Variants in TANC1 observed in about 807,000 individuals in gnomAD.
TANC1 encodes protein TANC1.
TANC1 carries 77 observed loss-of-function variants against 149.7 expected under a neutral mutation model. The ratio of observed to expected loss-of-function variants is 0.51; its 90% confidence interval spans 0.43 to 0.62. The LOEUF is 0.62. Among genes scored for constraint, TANC1 ranks in the 20% least tolerant of loss-of-function variants. The probability of loss-of-function intolerance (pLI) is 0.00; values close to 1 mark genes in which losing one functional copy is unlikely to be tolerated. For missense variants in TANC1, 1,985 were observed against 2,321.8 expected, an observed-to-expected ratio of 0.85 and a Z score of 2.98; for synonymous variants, 854 against 925.0, an observed-to-expected ratio of 0.92 and a Z score of 1.39.
chr2:159,085,346 C>G (rs1436241813), intron 3 of TANC1, among the ~76,000 whole-genome samples: 1 of 152,088 alleles, frequency 6.6e-6, no homozygotes, highest in Non-Finnish European at 1.5e-5. Context: ...TTATTAATTG[C>G]CTAGTCTCAG....
intron 2 of TANC1, among the ~76,000 whole-genome samples, chr2:159,059,523 A>ATT (rs57468385): frequency 8.4e-6 from 1 of 118,706 alleles, no homozygotes; most frequent in Non-Finnish European, 1.6e-5. Flanking sequence ...CCAAATATAT[A>ATT]AAAAAAAAAG....
At chr2:159,018,237 A>G (rs1267197572) in intron 2 of TANC1, among the ~76,000 whole-genome samples, 1 of 152,150 alleles carries the variant, frequency 6.6e-6, no homozygotes, top group African/African-American at 2.4e-5. Flanking sequence ...CTCATACTGT[A>G]TTTGCTACAG....
chr2:158,982,706 C>G (rs1430868029), intron 1 of TANC1, among the ~76,000 whole-genome samples: 1 of 152,252 alleles, frequency 6.6e-6, no homozygotes, highest in Non-Finnish European at 1.5e-5. Flanking sequence ...CTCCTGGGCT[C>G]AAATGATGCT....
intron 2 of TANC1, among the ~76,000 whole-genome samples, chr2:159,026,834 G>A (rs1242547303): frequency 6.6e-6 from 1 of 152,114 alleles, no homozygotes; most frequent in Non-Finnish European, 1.5e-5. Flanking sequence ...GGGTGCCTGG[G>A]TCCTTCTGAA....
chr2:159,186,829 C>A, intron 15 of TANC1, 73 bp from the exon 16 acceptor site: 1 of 1,599,074 alleles, frequency 6.3e-7, no homozygotes, highest in South Asian at 1.1e-5. Context: ...CAGAGTGACC[C>A]TGCAGGTGGG....
At position 159,224,327 on chromosome 2, in the gene TANC1, T is replaced by C. The variant is rs748018422; in HGVS notation, c.3774T>C (p.Ser1258=). 6.2e-7 allele frequency: 1 copy of C among 1,614,136 alleles called. No individual in the cohort carries two copies. Among genetic ancestry groups the C allele is most frequent in the South Asian group, 1.1e-5 (1 of 91,080 alleles). Residue 1258 remains serine, a synonymous_variant, in exon 23 of 27, where the codon TCT becomes TCC. Transcript: ENST00000263635. ...GAGCCATCGGCTGCCGGAACACATC[T>C]GTAGTGGTGGCGCTACTCAGAAAGG... ...LDRAIGCRNT[S]VVVALLRKGA...
At chr2:159,225,907 T>C in intron 24 of TANC1, 128 bp downstream of exon 24, 1 of 797,962 alleles carries the variant, frequency 1.3e-6, no homozygotes, top group Non-Finnish European at 2.1e-6. Flanking sequence ...AGTGGCTGGG[T>C]GGGGTGGCTC....
At chr2:159,170,325 A>T (rs926182959) in intron 9 of TANC1, among the ~76,000 whole-genome samples, 199 bp from the exon 10 acceptor site, 2 of 152,120 alleles carry the variant, frequency 1.3e-5, no homozygotes, top group Admixed American at 6.5e-5. Context: ...CTAGTTTCCT[A>T]TTGGTCCAAT....
At chr2:159,210,853 G>T (rs1400633974) in intron 19 of TANC1, among the ~76,000 whole-genome samples, 1 of 151,512 alleles carries the variant, frequency 6.6e-6, no homozygotes, top group Non-Finnish European at 1.5e-5. Flanking sequence ...TTACAGGCAT[G>T]AGCCACCATG....
intron 3 of TANC1, among the ~76,000 whole-genome samples, chr2:159,088,906 C>G (rs2045240064): frequency 1.3e-5 from 2 of 152,156 alleles, no homozygotes; most frequent in Admixed American, 6.5e-5. Context: ...TCTCAGTCGT[C>G]TTTGAGTGTT....
chr2:159,155,308 T>C (rs1382955307), intron 7 of TANC1, among the ~76,000 whole-genome samples: 2 of 152,206 alleles, frequency 1.3e-5, no homozygotes, highest in African/African-American at 4.8e-5. Context: ...TATCCATTAA[T>C]GATAGATGTG....
rs181162546 is a variant in TANC1 at position 159,147,350 on chromosome 2, C to T, written c.365-1792C>T. The stretch of plus-strand genomic sequence containing the variant: ...CACCCACTTCTTCCCTTTCCATCTG[C>T]GTCCTGTTCCCTCCCTCCAGCCCAG... On this transcript the variant is annotated intron_variant, in intron 5 of 26. Coordinates refer to ENST00000263635, the MANE Select transcript of TANC1 (RefSeq NM_033394.3). Among the ~76,000 whole-genome samples the T allele has an allele frequency of 1.0e-3, 157 of 152,328 alleles. 2 individuals carry two copies. The highest frequency in any genetic ancestry group is 3.6e-3 in the African/African-American group (149 of 41,588).
intron 8 of TANC1, among the ~76,000 whole-genome samples, chr2:159,168,445 A>G (rs1258792866): frequency 1.3e-5 from 2 of 151,446 alleles, no homozygotes; most frequent in Non-Finnish European, 2.9e-5. Flanking sequence ...GATTTCAGAG[A>G]CCCGCCTCCA....
chr2:159,080,365 T>TG (rs2044144940), intron 3 of TANC1, among the ~76,000 whole-genome samples: 1 of 152,114 alleles, frequency 6.6e-6, no homozygotes, highest in African/African-American at 2.4e-5. Context: ...AAGTAAAGGA[T>TG]GTGAGACTTG....
intron 17 of TANC1, among the ~76,000 whole-genome samples, chr2:159,194,781 C>A (rs1411426133): frequency 6.6e-6 from 1 of 152,206 alleles, no homozygotes; most frequent in Non-Finnish European, 1.5e-5. Context: ...CTGCAAGTAT[C>A]GATCTAGAAA....
rs751860876 is a variant in TANC1, at chr2:159,194,230, A to G, written c.2743-27A>G. The G allele has an allele frequency of 1.6e-5, 25 of 1,582,416 alleles. No homozygotes were observed. In the East Asian group the frequency reaches 2.7e-4, roughly 17 times the overall value. The stretch of plus-strand genomic sequence containing the variant: ...ATGTTTAGATGACATACATGTGACA[A>G]TCTTGTTGGGGGGCCTTGTCCAACA... On this transcript the variant is annotated intron_variant, in intron 16 of 26. Transcript: ENST00000263635.
chr2:159,079,242 G>A (rs1473457449), intron 3 of TANC1, among the ~76,000 whole-genome samples: 2 of 151,920 alleles, frequency 1.3e-5, no homozygotes. Flanking sequence ...TATTGTCCAG[G>A]CTGATCTTGA....
intron 2 of TANC1, among the ~76,000 whole-genome samples, chr2:159,010,230 G>C (rs2037616421): frequency 6.6e-6 from 1 of 152,106 alleles, no homozygotes; most frequent in Non-Finnish European, 1.5e-5. Context: ...TTAGTAGTAA[G>C]ATTCTTATCC....
intron 1 of TANC1, among the ~76,000 whole-genome samples, chr2:158,998,480 T>C (rs1432686399): frequency 6.6e-6 from 1 of 152,172 alleles, no homozygotes; most frequent in Non-Finnish European, 1.5e-5. Context: ...CTGCCAAGGT[T>C]GTTGTGCAGC....
Sources: gnomAD v4.1 joint callset for allele counts (sites outside exome capture counted in the v4.1 genomes callset) on GRCh38, gnomAD v4.1.1 for gene constraint, MANE v1.5 for transcripts, NCBI Gene and HGNC (gene_info 2026-07-23, HGNC 2026-07-21) for gene names.